The following APLF variants were observed in gnomAD, a reference collection of about 807,000 sequenced individuals.
APLF encodes aprataxin and PNK-like factor.
Under a neutral mutation model 55.6 loss-of-function variants are expected in APLF, and 61 were observed. The observed-to-expected ratio is 1.10, with a 90% CI of 0.89 to 1.36. The LOEUF (loss-of-function observed/expected upper bound fraction) is 1.36. APLF is among the 40% of genes most tolerant of loss of function. APLF has a pLI of 0.00. For synonymous variants in APLF, 207 were observed against 214.8 expected, an observed-to-expected ratio of 0.96 and a Z score of 0.32; for missense variants, 611 against 602.5, an observed-to-expected ratio of 1.01 and a Z score of -0.15.
chr2:68,529,141 A>G lies in APLF; in HGVS notation c.804+2899A>G. 1 of 1,326,416 alleles carries G rather than the reference A, an allele frequency of 7.5e-7. No homozygotes were observed. Among genetic ancestry groups the G allele is most frequent in the Non-Finnish European group, 1.0e-6 (1 of 964,552 alleles). 82.2% of individuals were successfully genotyped at this position (1,326,416 alleles called of 1,614,324 possible). On this transcript the variant is annotated intron_variant, in intron 6 of 9. Transcript: ENST00000303795. The surrounding 1 kb of genome is among the most constrained non-coding windows in gnomAD (Gnocchi z 4.4). ...ATCCAAACATCCTGGAGTTGCGAGC[A>G]GACAGCACGGGTTTCTTCCTTGAGG...
chr2:68,517,171 A>G (rs1669621790), intron 5 of APLF, among the ~76,000 whole-genome samples: 1 of 125,350 alleles, frequency 8.0e-6, no homozygotes, highest in Non-Finnish European at 1.6e-5. Flanking sequence ...ATATATCAAT[A>G]TATAATAATG....
At chr2:68,550,142 CAT>C (rs1670815699) in intron 8 of APLF, among the ~76,000 whole-genome samples, 2 of 152,172 alleles carry the variant, frequency 1.3e-5, no homozygotes, top group South Asian at 4.1e-4. Flanking sequence ...ATATTTAAAA[CAT>C]GTCTTTTATA....
chr2:68,554,970 A>G (rs1278906638), intron 8 of APLF, among the ~76,000 whole-genome samples: 2 of 152,150 alleles, frequency 1.3e-5, no homozygotes, highest in African/African-American at 2.4e-5. Flanking sequence ...ACATAGACCA[A>G]TGGAACAGAA....
At position 68,578,139 on chromosome 2, in the gene APLF, C is replaced by T. The variant is rs767752803; in HGVS notation, c.*117C>T. 6.9e-7 allele frequency: 1 copy of T among 1,443,804 alleles called. No homozygotes were observed. The highest frequency in any genetic ancestry group is 1.4e-5 in the African/African-American group (1 of 69,836). 89.4% of individuals were successfully genotyped at this position (1,443,804 alleles called of 1,614,324 possible). A position where few individuals can be genotyped will look rare whatever the true frequency, so the allele number is the denominator to read the frequency against. ...TTTTCCTTCTTTTGATAGTTAATGA[C>T]TTTTACTACTGACTCTTTACAAATG... On this transcript the variant is annotated 3_prime_UTR_variant, in exon 10 of 10. Coordinates refer to ENST00000303795, the MANE Select transcript of APLF (RefSeq NM_173545.3).
In APLF at chr2:68,513,092, G is replaced by A. The variant is rs756065076; in HGVS notation, c.354G>A (p.Val118=). 9.3e-6 allele frequency: 15 copies of A among 1,606,424 alleles called. No homozygotes were observed. Among genetic ancestry groups the A allele is most frequent in the Non-Finnish European group, 1.3e-5 (15 of 1,176,166 alleles). ...EMQCTLRNSQ[V]LDEDNILNET... ...TTTTATCTTATAGAAACAGTCAAGT[G>A]CTTGATGAAGATAATATATTGAATG... The change falls in exon 4 of 10, where the codon GTG becomes GTA. Residue 118 remains valine, a synonymous_variant. Transcript: ENST00000303795.
At chr2:68,522,888 A>G (rs566571222) in intron 5 of APLF, among the ~76,000 whole-genome samples, 2 of 152,076 alleles carry the variant, frequency 1.3e-5, no homozygotes, top group Non-Finnish European at 2.9e-5. Context: ...AAAAATTAAA[A>G]CAAGGCATTT....
At chr2:68,553,115 T>G (rs980650099) in intron 8 of APLF, among the ~76,000 whole-genome samples, 7 of 152,102 alleles carry the variant, frequency 4.6e-5, no homozygotes, top group Admixed American at 3.9e-4. Context: ...CTCCATGGCA[T>G]TGCCTGACTC....
chr2:68,506,115 A>G (rs983787681), intron 3 of APLF, among the ~76,000 whole-genome samples: 6 of 151,858 alleles, frequency 4.0e-5, no homozygotes, highest in Non-Finnish European at 7.4e-5. Flanking sequence ...ATTTCTTACT[A>G]TATCATACCA....
chr2:68,508,701 A>G (rs1051765786), intron 3 of APLF, among the ~76,000 whole-genome samples: 1 of 152,038 alleles, frequency 6.6e-6, no homozygotes, highest in Non-Finnish European at 1.5e-5. Flanking sequence ...GACTTTCTTC[A>G]CAGAATTGGA....
intron 2 of APLF, among the ~76,000 whole-genome samples, chr2:68,490,693 G>A (rs2103908032): frequency 6.6e-6 from 1 of 152,216 alleles, no homozygotes; most frequent in African/African-American, 2.4e-5. Context: ...GTTCAACTTC[G>A]AGGTTTGAAA....
chr2:68,551,644 C>A (rs1409558153), intron 8 of APLF, among the ~76,000 whole-genome samples: 1 of 126,604 alleles, frequency 7.9e-6, no homozygotes, highest in South Asian at 2.5e-4. Flanking sequence ...TTTGGTGGAA[C>A]TATCCATTTT....
At chr2:68,486,291 A>G (rs1676171796) in intron 1 of APLF, among the ~76,000 whole-genome samples, 1 of 152,066 alleles carries the variant, frequency 6.6e-6, no homozygotes, top group South Asian at 2.1e-4. Flanking sequence ...CAAAATCTAT[A>G]CTATTGGATT....
intron 8 of APLF, among the ~76,000 whole-genome samples, chr2:68,552,249 C>G (rs1022939752): frequency 6.6e-6 from 1 of 152,080 alleles, no homozygotes; most frequent in Non-Finnish European, 1.5e-5. Context: ...ATTTCAGACC[C>G]TCAGCCTCTC....
rs150391466 is a variant in APLF at position 68,538,593 on chromosome 2, T to G, written c.1160+366T>G. ...GTTGTTGTCTACAATATAACTATAATTTTAAGTTGTATTTAGGTGTCTTTT... is the reference window on the plus strand; with the variant it reads ...GTTGTTGTCTACAATATAACTATAAGTTTAAGTTGTATTTAGGTGTCTTTT... On this transcript the variant is annotated intron_variant, in intron 7 of 9. Transcript: ENST00000303795. Among the ~76,000 whole-genome samples, 616 of 133,434 alleles carry G rather than the reference T, an allele frequency of 4.6e-3. 1 individual carries two copies. The highest frequency in any genetic ancestry group is 8.5e-3 in the Middle Eastern group (2 of 236). 87.5% of individuals were successfully genotyped at this position (133,434 alleles called of 152,430 possible). A position where few individuals can be genotyped will look rare whatever the true frequency, so the allele number is the denominator to read the frequency against.
intron 1 of APLF, among the ~76,000 whole-genome samples, chr2:68,470,745 T>C (rs1344493831): frequency 6.6e-6 from 1 of 152,218 alleles, no homozygotes; most frequent in Non-Finnish European, 1.5e-5. Flanking sequence ...GGAAACAAGA[T>C]AGCAAAAGAT....
chr2:68,537,502 G>T (rs1670426047), intron 6 of APLF, among the ~76,000 whole-genome samples: 1 of 151,704 alleles, frequency 6.6e-6, no homozygotes, highest in Non-Finnish European at 1.5e-5. Flanking sequence ...CAAATAGCTG[G>T]GATTACAGGC....
In APLF at chr2:68,490,254, T is replaced by C. The variant is rs1676317206; in HGVS notation, c.161T>C (p.Ile54Thr). ...ILEVAGGQLR[I>T]KPIHTNPCFY... is the part of the protein sequence containing the mutation. ...GAGGTGGCAGGTGGTCAGCTGCGAA[T>C]CAAACCGGTAAATATGTTATTAATG... is the stretch of plus-strand genomic sequence containing the variant. The change falls in exon 2 of 10, where the codon ATC becomes ACC. Residue 54 changes from isoleucine to threonine, a missense_variant. Physicochemically the swap from Ile to Thr is moderately conservative, Grantham distance 89 (BLOSUM62 -1). Coordinates refer to ENST00000303795, the MANE Select transcript of APLF (RefSeq NM_173545.3). 1.2e-6 allele frequency: 2 copies of C among 1,611,866 alleles called. No individual in the cohort carries two copies. The highest frequency in any genetic ancestry group is 1.7e-6 in the Non-Finnish European group (2 of 1,179,346).
intron 8 of APLF, among the ~76,000 whole-genome samples, chr2:68,550,273 C>G (rs1670820128): frequency 6.6e-6 from 1 of 152,084 alleles, no homozygotes; most frequent in Admixed American, 6.6e-5. Flanking sequence ...ACTCTCTTGT[C>G]TAGGCTGGGG....
chr2:68,468,899 T>G (rs1407114645), intron 1 of APLF, among the ~76,000 whole-genome samples: 2 of 152,016 alleles, frequency 1.3e-5, no homozygotes, highest in East Asian at 1.9e-4. Flanking sequence ...AGAGTCTAAA[T>G]GGAACCATTG....
Sources: allele counts gnomAD v4.1 joint callset (sites outside exome capture counted in the v4.1 genomes callset), GRCh38; gene constraint gnomAD v4.1.1; non-coding constraint Gnocchi (gnomAD v3.1); transcripts MANE v1.5; gene names NCBI Gene and HGNC (gene_info 2026-07-23, HGNC 2026-07-21).